Variants in ZMYM2 observed in about 807,000 individuals in gnomAD.
The protein encoded by ZMYM2 is zinc finger MYM-type protein 2.
ZMYM2 carries 56 observed loss-of-function variants against 162.8 expected under a neutral mutation model. The ratio of observed to expected loss-of-function variants is 0.34; its 90% CI spans 0.28 to 0.43. ZMYM2 has a LOEUF of 0.43. Among genes scored for constraint, ZMYM2 ranks in the 20% least tolerant of loss-of-function variants. The pLI is 1.00. For synonymous variants in ZMYM2, 510 were observed against 541.6 expected, an observed-to-expected ratio of 0.94 and a Z score of 0.81; for missense variants, 1,275 against 1,621.8, an observed-to-expected ratio of 0.79 and a Z score of 3.67.
At chr13:19,914,438 T>C in the ZMYM2 span, among the ~76,000 whole-genome samples, 3 of 152,198 alleles carry the variant, frequency 2.0e-5, no homozygotes, top group South Asian at 6.2e-4. Context: ...TCTCCAAGGC[T>C]GACTTGGCTA....
At chr13:20,011,564 TA>T (rs1367029054) in intron 6 of ZMYM2, among the ~76,000 whole-genome samples, 58 of 150,460 alleles carry the variant, frequency 3.9e-4, no homozygotes, top group African/African-American at 1.4e-3. Context: ...CAGAAGTTTT[TA>T]TTTTTTTGTT....
In ZMYM2 at chr13:19,986,440, A is replaced by G. The variant is rs1949148982; in HGVS notation, c.-10-6623A>G. On this transcript the variant is annotated intron_variant, in intron 2 of 24. Coordinates refer to ENST00000610343, the MANE Select transcript of ZMYM2 (RefSeq NM_197968.4). The stretch of plus-strand genomic sequence containing the variant: ...ATAAATTACTACTTCATATCCTAAG[A>G]CATTTCAGAAATTAAAATATAAACA... Among the ~76,000 whole-genome samples the G allele has an allele frequency of 2.0e-5, 3 of 152,260 alleles. No homozygotes were observed. In the East Asian group the frequency reaches 5.8e-4, roughly 29 times the overall value.
At chr13:19,956,282 C>T (rs1327521659), upstream of ZMYM2, among the ~76,000 whole-genome samples, 1 of 152,096 alleles carries the variant, frequency 6.6e-6, no homozygotes, top group African/African-American at 2.4e-5. Flanking sequence ...AGCATAATGT[C>T]TTTAAGGTTT....
the ZMYM2 span, among the ~76,000 whole-genome samples, chr13:19,877,478 C>T: frequency 6.6e-6 from 1 of 152,208 alleles, no homozygotes; most frequent in Non-Finnish European, 1.5e-5. Flanking sequence ...TAAGAACCTG[C>T]CTCCTTGGGA....
intron 21 of ZMYM2, among the ~76,000 whole-genome samples, chr13:20,074,986 C>G (rs1957385137): frequency 6.6e-6 from 1 of 152,102 alleles, no homozygotes; most frequent in African/African-American, 2.4e-5. Flanking sequence ...TGTGGAATAT[C>G]TATTTTTATT....
At chr13:19,985,726 T>A (rs1326921850) in intron 2 of ZMYM2, among the ~76,000 whole-genome samples, 4 of 145,886 alleles carry the variant, frequency 2.7e-5, no homozygotes, top group Non-Finnish European at 4.5e-5. Context: ...AAAAGAAAAA[T>A]TTGGCCGGGC....
chr13:19,923,880 A>C, the ZMYM2 span, among the ~76,000 whole-genome samples: 1 of 151,950 alleles, frequency 6.6e-6, no homozygotes, highest in East Asian at 1.9e-4. Context: ...CATGTTGGCC[A>C]GGCTGGTCTC....
At chr13:19,949,884 C>CAAA in the ZMYM2 span, among the ~76,000 whole-genome samples, 57 of 91,338 alleles carry the variant, frequency 6.2e-4, 2 homozygotes, top group East Asian at 1.0e-3. Context: ...GAGACTTTGT[C>CAAA]AAAAAAAAAA....
rs756640822 is a variant in ZMYM2 at position 20,002,912 on chromosome 13, T to A, written c.910T>A (p.Leu304Ile). 3.7e-6 allele frequency: 6 copies of A among 1,614,190 alleles called. No homozygotes were observed. The highest frequency in any genetic ancestry group is 5.1e-6 in the Non-Finnish European group (6 of 1,180,028). The stretch of plus-strand genomic sequence containing the variant: ...TCAGAAACAACCAGGGGTGGACTCT[T>A]TATCACCAGTGGCCTCACTTCCTAA... ...RNQKQPGVDS[L>I]SPVASLPKQI... is the part of the protein sequence containing the mutation. Residue 304 changes from leucine to isoleucine, a missense_variant, in exon 4 of 25, where the codon TTA becomes ATA. Physicochemically the swap from Leu to Ile is conservative, Grantham distance 5. Coordinates refer to ENST00000610343, the MANE Select transcript of ZMYM2 (RefSeq NM_197968.4).
At chr13:20,053,138 A>T (rs553345697) in intron 14 of ZMYM2, among the ~76,000 whole-genome samples, 2 of 152,364 alleles carry the variant, frequency 1.3e-5, no homozygotes, top group East Asian at 3.9e-4. Context: ...TGGCCTTGGC[A>T]TGCTGCATCT....
At chr13:19,923,298 A>G in the ZMYM2 span, among the ~76,000 whole-genome samples, 1 of 124,744 alleles carries the variant, frequency 8.0e-6, no homozygotes, top group Non-Finnish European at 1.6e-5. Flanking sequence ...TGGAGGTTGC[A>G]GTGAGCCGAG....
the ZMYM2 span, among the ~76,000 whole-genome samples, chr13:19,953,639 G>A: frequency 1.5e-4 from 18 of 121,648 alleles, no homozygotes; most frequent in Non-Finnish European, 2.2e-4. Flanking sequence ...AGCTGAGATT[G>A]CACCACTGCA....
chr13:19,877,417 GA>G, the ZMYM2 span, among the ~76,000 whole-genome samples: 2 of 152,116 alleles, frequency 1.3e-5, no homozygotes, highest in African/African-American at 2.4e-5. Flanking sequence ...AATGAAGCCA[GA>G]CTCCTTTTAC....
chr13:20,078,957 C>T (rs1199750141), intron 21 of ZMYM2, among the ~76,000 whole-genome samples: 1 of 151,174 alleles, frequency 6.6e-6, no homozygotes, highest in Non-Finnish European at 1.5e-5. Flanking sequence ...ATGTATAGTC[C>T]CAAAGAAATC....
At position 20,087,155 on chromosome 13, in the gene ZMYM2, T is replaced by G. The variant is rs148818395; in HGVS notation, c.*1141T>G. On this transcript the variant is annotated 3_prime_UTR_variant, in exon 25 of 25. Transcript: ENST00000610343. Reference sequence around the variant, plus strand: ...GATTACCAGTGTAGTAATTCTGATATTGCAAATGATTGAGGAACAAACAAA... The same window carrying G: ...GATTACCAGTGTAGTAATTCTGATAGTGCAAATGATTGAGGAACAAACAAA... The G allele has an allele frequency of 3.7e-5, 7 of 187,736 alleles. No homozygotes were observed. Among genetic ancestry groups the G allele is most frequent in the African/African-American group, 7.0e-5 (3 of 42,780 alleles). The allele number at this position is 187,736 out of a possible 1,614,324, so 11.6% of individuals were successfully genotyped here. A position where few individuals can be genotyped will look rare whatever the true frequency, so the allele number is the denominator to read the frequency against.
At chr13:19,927,617 T>G in the ZMYM2 span, among the ~76,000 whole-genome samples, 15 of 152,330 alleles carry the variant, frequency 9.8e-5, no homozygotes, top group Admixed American at 9.2e-4. Flanking sequence ...ATTCTTGTAG[T>G]CTTTCCTTGT....
chr13:19,989,943 T>C (rs1450518333), intron 2 of ZMYM2, among the ~76,000 whole-genome samples: 3 of 152,196 alleles, frequency 2.0e-5, no homozygotes, highest in Non-Finnish European at 4.4e-5. Context: ...TTTTCTCATC[T>C]CCCATCACCA....
intron 2 of ZMYM2, among the ~76,000 whole-genome samples, chr13:19,971,263 T>TATATATATATATATATATATATA (rs60439404): frequency 1.6e-5 from 1 of 64,494 alleles, no homozygotes; most frequent in African/African-American, 5.3e-5. Context: ...TATATATATA[T>TATATATATATATATATATATATA]TTTTTTTTTT....
the ZMYM2 span, among the ~76,000 whole-genome samples, chr13:19,892,541 C>G: frequency 6.6e-6 from 1 of 151,774 alleles, no homozygotes; most frequent in African/African-American, 2.4e-5. Context: ...TTCCAAAATG[C>G]TGGGATTACA....
Sources: allele counts gnomAD v4.1 joint callset (sites outside exome capture counted in the v4.1 genomes callset), GRCh38; gene constraint gnomAD v4.1.1; transcripts MANE v1.5; gene names NCBI Gene and HGNC (gene_info 2026-07-23, HGNC 2026-07-21).